The following PKHD1 variants were observed in gnomAD, a reference collection of about 807,000 sequenced individuals.
PKHD1 encodes fibrocystin.
In PKHD1, 291 loss-of-function variants were observed where a neutral mutation model predicts 412.0. The ratio of observed to expected loss-of-function variants is 0.71; its 90% CI spans 0.64 to 0.78. PKHD1 has a LOEUF of 0.78. Among genes scored for constraint, PKHD1 ranks in the 30% least tolerant of loss-of-function variants. The pLI, the probability that PKHD1 is intolerant of heterozygous loss-of-function variation, is 0.00. For synonymous variants in PKHD1, 1,777 were observed against 1,821.5 expected, an observed-to-expected ratio of 0.98 and a Z score of 0.62; for missense variants, 4,825 against 4,950.7, an observed-to-expected ratio of 0.97 and a Z score of 0.76.
intron 60 of PKHD1, among the ~76,000 whole-genome samples, chr6:51,708,121 A>G (rs1315038579): frequency 2.0e-5 from 3 of 152,184 alleles, no homozygotes; most frequent in African/African-American, 4.8e-5. Flanking sequence ...CAATATGTCT[A>G]AAACTGAATT....
At chr6:52,078,736 T>A (rs1484196962) in intron 5 of PKHD1, among the ~76,000 whole-genome samples, 1 of 152,200 alleles carries the variant, frequency 6.6e-6, no homozygotes, top group Non-Finnish European at 1.5e-5. Context: ...AAAACTACCA[T>A]CTGGGGTGAA....
intron 27 of PKHD1, among the ~76,000 whole-genome samples, chr6:52,041,035 T>C (rs911956164): frequency 1.3e-5 from 2 of 152,202 alleles, no homozygotes; most frequent in South Asian, 2.1e-4. Context: ...GTTTAGACTA[T>C]GGCCACACAA....
chr6:51,913,967 A>C (rs930388606), intron 37 of PKHD1, among the ~76,000 whole-genome samples: 1 of 152,154 alleles, frequency 6.6e-6, no homozygotes, highest in African/African-American at 2.4e-5. Flanking sequence ...GGAAACAATA[A>C]AATGAAATAA....
At chr6:51,767,578 G>A (rs1243396923) in intron 55 of PKHD1, among the ~76,000 whole-genome samples, 1 of 151,998 alleles carries the variant, frequency 6.6e-6, no homozygotes, top group Non-Finnish European at 1.5e-5. Flanking sequence ...TTGGTTTTGT[G>A]TCCTTGTGAT....
At chr6:52,012,818 T>C (rs999173141) in intron 34 of PKHD1, among the ~76,000 whole-genome samples, 1 of 152,202 alleles carries the variant, frequency 6.6e-6, no homozygotes, top group Non-Finnish European at 1.5e-5. Context: ...AGAAAGGAAA[T>C]GAAGTTGGTT....
chr6:51,766,112 A>G (rs547012769), intron 55 of PKHD1, among the ~76,000 whole-genome samples: 36 of 152,262 alleles, frequency 2.4e-4, no homozygotes, highest in African/African-American at 8.4e-4. Context: ...ACTTAATATT[A>G]TATCTCCAGA....
At position 51,658,957 on chromosome 6, in the gene PKHD1, G is replaced by T. The variant is rs1452674492; in HGVS notation, c.11169C>A (p.Gly3723=). 1.2e-6 allele frequency: 2 copies of T among 1,604,942 alleles called. No homozygotes were observed. The highest frequency in any genetic ancestry group is 3.3e-5 in the Admixed American group (2 of 59,936). The change falls in exon 61 of 67, where the codon GGC becomes GGA. Residue 3723 remains glycine, a synonymous_variant. Coordinates refer to ENST00000371117, the MANE Select transcript of PKHD1 (RefSeq NM_138694.4). ...LLVTQSKGVI[G]YGNTSSFKTG... is the part of the protein sequence containing the mutation. ...TGAATATAATTAGTACTTACCCATA[G>T]CCAATGACTCCCTTTGACTGAGTAA...
chr6:51,858,087 T>C (rs1324082917), intron 48 of PKHD1, among the ~76,000 whole-genome samples: 1 of 148,170 alleles, frequency 6.7e-6, no homozygotes, highest in African/African-American at 2.5e-5. Flanking sequence ...ATTCTTAGAA[T>C]CAGAATGAAC....
chr6:52,043,112 A>T lies in PKHD1; in HGVS notation c.2844T>A (p.Ile948=), dbSNP rs546935486. 2.5e-6 allele frequency: 4 copies of T among 1,613,150 alleles called. No homozygotes were observed. The Admixed American group carries it at 6.7e-5, about 27-fold the overall frequency. Residue 948 remains isoleucine (I), a synonymous_variant, in exon 27 of 67, where the codon ATT becomes ATA. Transcript: ENST00000371117. Reference sequence around the variant, plus strand: ...CAGAGAAACCAGTTCCGGTAATGTAAATCATTAGGTTGATGTCACCATCTT... The same window carrying T: ...CAGAGAAACCAGTTCCGGTAATGTATATCATTAGGTTGATGTCACCATCTT... ...YSIDGDINLM[I]YITGTGFSGD...
chr6:51,625,721 T>G (rs949443257), intron 66 of PKHD1, among the ~76,000 whole-genome samples: 3 of 152,126 alleles, frequency 2.0e-5, no homozygotes, highest in Admixed American at 2.0e-4. Flanking sequence ...AATGGCCATA[T>G]GAGATTAAGA....
At chr6:51,720,074 G>A (rs1429866715) in intron 60 of PKHD1, among the ~76,000 whole-genome samples, 2 of 152,032 alleles carry the variant, frequency 1.3e-5, no homozygotes, top group African/African-American at 2.4e-5. Context: ...TTGCAAAATG[G>A]CAAAAAATAT....
intron 43 of PKHD1, among the ~76,000 whole-genome samples, chr6:51,899,869 A>T (rs973515638): frequency 2.0e-5 from 3 of 152,174 alleles, no homozygotes; most frequent in African/African-American, 7.2e-5. Flanking sequence ...CTTATACACC[A>T]ACAACAGACA....
At chr6:51,859,527 A>G (rs1773864358) in intron 48 of PKHD1, among the ~76,000 whole-genome samples, 1 of 147,276 alleles carries the variant, frequency 6.8e-6, no homozygotes, top group Non-Finnish European at 1.5e-5. Flanking sequence ...TTCCGTCCCA[A>G]AAAAAAAAAA....
chr6:51,958,814 TAC>T (rs112637668), intron 36 of PKHD1, among the ~76,000 whole-genome samples: 28 of 149,556 alleles, frequency 1.9e-4, no homozygotes, highest in Non-Finnish European at 2.4e-4. Flanking sequence ...AGCCACTAGC[TAC>T]ACACACACAC....
At chr6:51,989,956 GAAA>G (rs1562073379) in intron 35 of PKHD1, among the ~76,000 whole-genome samples, 7 of 48,816 alleles carry the variant, frequency 1.4e-4, no homozygotes, top group Admixed American at 3.9e-4. Flanking sequence ...AGAAAGGAAG[GAAA>G]GAAGGAAGGA....
intron 60 of PKHD1, among the ~76,000 whole-genome samples, chr6:51,675,846 C>T (rs923961111): frequency 2.6e-5 from 4 of 152,142 alleles, no homozygotes; most frequent in African/African-American, 7.2e-5. Flanking sequence ...ATGATAAAGT[C>T]CAGAAGCTCT....
intron 2 of PKHD1, among the ~76,000 whole-genome samples, chr6:52,084,620 A>G (rs1170845121): frequency 6.6e-6 from 1 of 152,238 alleles, no homozygotes; most frequent in Non-Finnish European, 1.5e-5. Flanking sequence ...ATTGAAGTAT[A>G]TAGTCATAAC....
At chr6:51,778,158 C>T (rs548545667) in intron 53 of PKHD1, among the ~76,000 whole-genome samples, 15 of 152,190 alleles carry the variant, frequency 9.9e-5, no homozygotes, top group Admixed American at 2.6e-4. Context: ...CTCTCTCCAG[C>T]GTGGACTTTG....
intron 60 of PKHD1, among the ~76,000 whole-genome samples, chr6:51,667,483 C>T (rs1341230112): frequency 2.0e-5 from 3 of 149,134 alleles, no homozygotes; most frequent in Non-Finnish European, 4.5e-5. Flanking sequence ...AATTTTCTCC[C>T]ATTTTGTAGG....
Sources: allele counts gnomAD v4.1 joint callset (sites outside exome capture counted in the v4.1 genomes callset), GRCh38; gene constraint gnomAD v4.1.1; transcripts MANE v1.5; gene names NCBI Gene and HGNC (gene_info 2026-07-23, HGNC 2026-07-21).